Variants in NDUFAF2 observed in about 807,000 individuals in gnomAD.
The protein encoded by NDUFAF2 is NADH dehydrogenase [ubiquinone] 1 alpha subcomplex assembly factor 2.
NDUFAF2 carries 13 observed loss-of-function variants against 22.8 expected under a neutral mutation model. That is an observed-to-expected ratio of 0.57 (90% confidence interval 0.37 to 0.91). The LOEUF is 0.91. Ranked by LOEUF, NDUFAF2 falls within the 40% of genes least tolerant of loss-of-function variation. The pLI, the probability that NDUFAF2 is intolerant of heterozygous loss-of-function variation, is 0.01. For missense variants in NDUFAF2, 162 were observed against 195.2 expected (o/e 0.83, Z 1.01); for synonymous variants, 53 against 64.2 (o/e 0.83, Z 0.84).
At chr5:61,143,795 A>T (rs1206245691) in intron 3 of NDUFAF2, among the ~76,000 whole-genome samples, 2 of 152,154 alleles carry the variant, frequency 1.3e-5, no homozygotes, top group Non-Finnish European at 2.9e-5. Context: ...ATTTTAAATT[A>T]TATTTAGATT....
rs747302125 is a variant in NDUFAF2 at position 60,945,342 on chromosome 5, G to A, written c.87G>A (p.Gly29=). 5 of 1,614,192 alleles carry A rather than the reference G, an allele frequency of 3.1e-6. No individual in the cohort carries two copies. Among genetic ancestry groups the A allele is most frequent in the Non-Finnish European group, 4.2e-6 (5 of 1,180,034 alleles). The change falls in exon 1 of 4, where the codon GGG becomes GGA. Residue 29 remains glycine (G), a synonymous_variant. Coordinates refer to ENST00000296597, the MANE Select transcript of NDUFAF2 (RefSeq NM_174889.5). ...VKEHVGTDQF[G]NKYYYIPQYK... ...AGCACGTGGGCACGGACCAATTCGG[G>A]AACAAATACTACTACATCCCGCAGT... is the stretch of plus-strand genomic sequence containing the variant.
intron 3 of NDUFAF2, among the ~76,000 whole-genome samples, chr5:61,130,080 A>G (rs1418710613): frequency 6.6e-6 from 1 of 152,168 alleles, no homozygotes; most frequent in Non-Finnish European, 1.5e-5. Context: ...GCCAGAATGC[A>G]AAGGAACCAA....
chr5:61,033,019 G>C (rs1475909753), intron 1 of NDUFAF2, among the ~76,000 whole-genome samples: 2 of 151,942 alleles, frequency 1.3e-5, no homozygotes, highest in Admixed American at 1.3e-4. Flanking sequence ...ATGATATTGA[G>C]TCTTCCTATC....
chr5:60,994,875 G>T (rs1430439213), intron 1 of NDUFAF2, among the ~76,000 whole-genome samples: 1 of 151,892 alleles, frequency 6.6e-6, no homozygotes, highest in Non-Finnish European at 1.5e-5. Context: ...ATACTTCATT[G>T]TTTTTTATTT....
At chr5:60,952,740 A>G (rs1485246379) in intron 1 of NDUFAF2, among the ~76,000 whole-genome samples, 1 of 152,052 alleles carries the variant, frequency 6.6e-6, no homozygotes, top group Non-Finnish European at 1.5e-5. Context: ...GTATATTCAC[A>G]CTGATTTTTT....
chr5:60,979,257 G>T (rs889156853), intron 1 of NDUFAF2, among the ~76,000 whole-genome samples: 1 of 152,136 alleles, frequency 6.6e-6, no homozygotes, highest in African/African-American at 2.4e-5. Flanking sequence ...TACGGGTAAT[G>T]ACTTTTTCTA....
At chr5:60,998,573 G>A (rs1751256695) in intron 1 of NDUFAF2, among the ~76,000 whole-genome samples, 1 of 152,040 alleles carries the variant, frequency 6.6e-6, no homozygotes, top group Non-Finnish European at 1.5e-5. Flanking sequence ...GAAGTCTTTG[G>A]CTATTAATGA....
At chr5:61,027,758 G>A (rs1027461936) in intron 1 of NDUFAF2, among the ~76,000 whole-genome samples, 1 of 151,726 alleles carries the variant, frequency 6.6e-6, no homozygotes, top group Non-Finnish European at 1.5e-5. Context: ...CTTATTAAAA[G>A]CCTCCTTTTT....
At chr5:60,979,784 C>T (rs1750952119) in intron 1 of NDUFAF2, among the ~76,000 whole-genome samples, 2 of 152,184 alleles carry the variant, frequency 1.3e-5, no homozygotes, top group South Asian at 2.1e-4. Context: ...GGATTTGTCA[C>T]CTGCTGATTG....
chr5:61,027,041 CTTA>C (rs1185027162), intron 1 of NDUFAF2, among the ~76,000 whole-genome samples: 1 of 150,892 alleles, frequency 6.6e-6, no homozygotes, highest in Admixed American at 6.6e-5. Context: ...AAATATTATC[CTTA>C]TTAAGAAAAA....
chr5:60,998,883 G>A (rs1035336052), intron 1 of NDUFAF2, among the ~76,000 whole-genome samples: 2 of 151,794 alleles, frequency 1.3e-5, no homozygotes, highest in Admixed American at 6.6e-5. Context: ...ATTATATTCA[G>A]AGATTTATTT....
At chr5:61,124,031 C>T (rs543277644) in intron 3 of NDUFAF2, among the ~76,000 whole-genome samples, 2 of 151,904 alleles carry the variant, frequency 1.3e-5, no homozygotes, top group African/African-American at 4.8e-5. Context: ...GTTGTTTATG[C>T]GTTTTTGTAT....
intron 3 of NDUFAF2, among the ~76,000 whole-genome samples, chr5:61,111,438 T>G (rs1409151767): frequency 6.6e-6 from 1 of 151,864 alleles, no homozygotes; most frequent in African/African-American, 2.4e-5. Context: ...ATTTATTTAT[T>G]ATTTATTTAT....
intron 3 of NDUFAF2, among the ~76,000 whole-genome samples, chr5:61,136,897 C>T (rs1740970421): frequency 6.6e-6 from 1 of 152,108 alleles, no homozygotes. Flanking sequence ...GTATTTTCAT[C>T]CTGCCCATTA....
At chr5:61,070,469 T>C (rs1752281868) in intron 1 of NDUFAF2, among the ~76,000 whole-genome samples, 1 of 152,140 alleles carries the variant, frequency 6.6e-6, no homozygotes, top group Non-Finnish European at 1.5e-5. Context: ...CTAATAGCTT[T>C]ATTTTATATT....
At chr5:61,008,612 A>C (rs1232118010) in intron 1 of NDUFAF2, among the ~76,000 whole-genome samples, 1 of 152,146 alleles carries the variant, frequency 6.6e-6, no homozygotes, top group African/African-American at 2.4e-5. Flanking sequence ...CATTGTGAGT[A>C]GTAAATGAGT....
chr5:60,953,519 T>C (rs1750575116), intron 1 of NDUFAF2, among the ~76,000 whole-genome samples: 1 of 152,156 alleles, frequency 6.6e-6, no homozygotes, highest in African/African-American at 2.4e-5. Flanking sequence ...CACCACAGTT[T>C]TGTAGCATAT....
intron 1 of NDUFAF2, among the ~76,000 whole-genome samples, chr5:60,977,794 G>A (rs1229626652): frequency 2.8e-5 from 4 of 143,378 alleles, no homozygotes; most frequent in Non-Finnish European, 4.5e-5. Flanking sequence ...CCAAGATCGT[G>A]ACACTGCACT....
intron 3 of NDUFAF2, among the ~76,000 whole-genome samples, chr5:61,105,842 A>G (rs971518777): frequency 1.3e-5 from 2 of 151,464 alleles, no homozygotes; most frequent in South Asian, 2.1e-4. Context: ...CAAACCATCA[A>G]TAAAGTTTTG....
Sources: gnomAD v4.1 joint callset for allele counts (sites outside exome capture counted in the v4.1 genomes callset) on GRCh38, gnomAD v4.1.1 for gene constraint, MANE v1.5 for transcripts, NCBI Gene and HGNC (gene_info 2026-07-23, HGNC 2026-07-21) for gene names.